The following GRIP1 variants were observed in gnomAD, a reference collection of about 807,000 sequenced individuals.
The protein encoded by GRIP1 is glutamate receptor interacting protein 1, also known as glutamate receptor-interacting protein 1.
GRIP1 carries 45 observed loss-of-function variants against 129.9 expected under a neutral mutation model. The ratio of observed to expected loss-of-function variants is 0.35; its 90% CI spans 0.27 to 0.44. The LOEUF (loss-of-function observed/expected upper bound fraction) is 0.44, where lower values mean the gene tolerates loss of function less well. Ranked by LOEUF, GRIP1 falls within the 20% of genes least tolerant of loss-of-function variation. The probability of loss-of-function intolerance (pLI) is 1.00; values close to 1 mark genes in which losing one functional copy is unlikely to be tolerated. For missense variants in GRIP1, 1,196 were observed against 1,396.8 expected (o/e 0.86, Z 2.29); for synonymous variants, 530 against 520.8 (o/e 1.02, Z -0.24).
intron 1 of GRIP1, among the ~76,000 whole-genome samples, chr12:67,019,714 A>G (rs2042837999): frequency 6.6e-6 from 1 of 152,120 alleles, no homozygotes; most frequent in South Asian, 2.1e-4. Flanking sequence ...AGTCTTAGGT[A>G]AACATGTTAA....
intron 1 of GRIP1, among the ~76,000 whole-genome samples, chr12:66,841,120 C>T (rs955660113): frequency 2.0e-5 from 3 of 152,108 alleles, no homozygotes; most frequent in Admixed American, 6.5e-5. Context: ...AAATCTGGTA[C>T]AGCTGAGGTC....
intron 15 of GRIP1, among the ~76,000 whole-genome samples, chr12:66,413,062 TAAAC>T (rs961369393): frequency 3.3e-5 from 5 of 151,740 alleles, no homozygotes; most frequent in African/African-American, 9.7e-5. Flanking sequence ...AGACAGAAAA[TAAAC>T]AAAGATATTC....
chr12:66,816,441 T>C (rs2039220349), intron 1 of GRIP1, among the ~76,000 whole-genome samples: 1 of 152,178 alleles, frequency 6.6e-6, no homozygotes, highest in Non-Finnish European at 1.5e-5. Flanking sequence ...CTAAAGGCTC[T>C]ATCAAAATTT....
At chr12:66,773,127 C>T (rs892877509) in intron 1 of GRIP1, among the ~76,000 whole-genome samples, 1 of 152,088 alleles carries the variant, frequency 6.6e-6, no homozygotes, top group Non-Finnish European at 1.5e-5. Flanking sequence ...ATGACATTTT[C>T]GTAGTTACTG....
intron 1 of GRIP1, among the ~76,000 whole-genome samples, chr12:67,052,585 C>T (rs955744436): frequency 1.6e-4 from 24 of 152,082 alleles, no homozygotes; most frequent in African/African-American, 5.5e-4. Flanking sequence ...CAGTGAAACC[C>T]CGTTTCTACT....
intron 24 of GRIP1, among the ~76,000 whole-genome samples, chr12:66,352,575 A>T (rs1047226780): frequency 6.6e-6 from 1 of 152,108 alleles, no homozygotes; most frequent in East Asian, 1.9e-4. Flanking sequence ...TCTACTAAAA[A>T]TACAAAAATT....
rs565174160 is a variant in GRIP1 at position 66,939,297 on chromosome 12, C to T, written c.58+129753G>A. ...AGGAGTTCAGGGCTGCAGTGAGCTACGATCACATCACAGCACACTAACCTG... is the reference window on the plus strand; with the variant it reads ...AGGAGTTCAGGGCTGCAGTGAGCTATGATCACATCACAGCACACTAACCTG... On this transcript the variant is annotated intron_variant, in intron 1 of 1. Coordinates refer to the GRIP1 transcript ENST00000643019. Among the ~76,000 whole-genome samples the T allele has an allele frequency of 1.5e-3, 222 of 152,072 alleles. 2 individuals are homozygous for T. The highest frequency in any genetic ancestry group is 4.9e-3 in the African/African-American group (203 of 41,486).
intron 1 of GRIP1, among the ~76,000 whole-genome samples, chr12:66,663,810 A>C (rs1468131517): frequency 6.6e-6 from 1 of 152,240 alleles, no homozygotes; most frequent in Non-Finnish European, 1.5e-5. Context: ...AATTCACTGC[A>C]ACGTTTTCCG....
intron 2 of GRIP1, among the ~76,000 whole-genome samples, chr12:66,554,461 C>T (rs571835518): frequency 6.6e-6 from 1 of 152,246 alleles, no homozygotes; most frequent in East Asian, 1.9e-4. Flanking sequence ...TGTGACCTAG[C>T]ATATTCCCAA....
chr12:66,485,722 T>A (rs2059934965), intron 7 of GRIP1, among the ~76,000 whole-genome samples: 1 of 152,102 alleles, frequency 6.6e-6, no homozygotes, highest in South Asian at 2.1e-4. Context: ...CCTCTGAAAT[T>A]GATTCCTATG....
intron 1 of GRIP1, among the ~76,000 whole-genome samples, chr12:67,059,077 C>T (rs2043486840): frequency 6.6e-6 from 1 of 152,202 alleles, no homozygotes; most frequent in South Asian, 2.1e-4. Context: ...TGGCACATGC[C>T]ACATTCAACA....
At chr12:66,640,913 T>C (rs898952703) in intron 1 of GRIP1, among the ~76,000 whole-genome samples, 2 of 152,152 alleles carry the variant, frequency 1.3e-5, no homozygotes, top group Admixed American at 6.6e-5. Flanking sequence ...GAAAATTCCT[T>C]ATACAACAAG....
intron 1 of GRIP1, among the ~76,000 whole-genome samples, chr12:66,775,669 A>C (rs1333380333): frequency 6.6e-6 from 1 of 151,696 alleles, no homozygotes; most frequent in Non-Finnish European, 1.5e-5. Flanking sequence ...TGAAGATAAA[A>C]ATTTTAAATA....
At chr12:66,715,469 T>A (rs866773345) in intron 1 of GRIP1, among the ~76,000 whole-genome samples, 2 of 117,438 alleles carry the variant, frequency 1.7e-5, no homozygotes, top group African/African-American at 3.1e-5. Context: ...TGTGTGTGTG[T>A]GTGAGAGAGA....
intron 2 of GRIP1, chr12:66,568,360 A>G (rs1007241816): frequency 5.8e-6 from 1 of 172,858 alleles, no homozygotes; most frequent in East Asian, 1.7e-4. Context: ...ATATGCTTCT[A>G]AAAGAGATCC....
chr12:66,483,325 G>A (rs2059859801), intron 7 of GRIP1, among the ~76,000 whole-genome samples: 1 of 151,960 alleles, frequency 6.6e-6, no homozygotes, highest in African/African-American at 2.4e-5. Context: ...TTTTTAAATT[G>A]CTGATTTATT....
At chr12:66,738,945 T>C (rs1349607744) in intron 1 of GRIP1, among the ~76,000 whole-genome samples, 2 of 152,226 alleles carry the variant, frequency 1.3e-5, no homozygotes, top group East Asian at 1.9e-4. Flanking sequence ...AGGGTTCTTC[T>C]GTCCTTCACT....
At chr12:66,444,766 G>A (rs2058574129) in intron 12 of GRIP1, 37 bp from the exon 13 acceptor site, 2 of 1,607,778 alleles carry the variant, frequency 1.2e-6, no homozygotes, top group Non-Finnish European at 1.7e-6. Flanking sequence ...TGTAGATGGA[G>A]TAAATAATTA....
chr12:66,869,624 G>T (rs552159157), intron 1 of GRIP1, among the ~76,000 whole-genome samples: 1 of 152,210 alleles, frequency 6.6e-6, no homozygotes, highest in African/African-American at 2.4e-5. Context: ...ATGGCAAAGA[G>T]TTGAGTGAAA....
Sources: allele counts gnomAD v4.1 joint callset (sites outside exome capture counted in the v4.1 genomes callset), GRCh38; gene constraint gnomAD v4.1.1; transcripts MANE v1.5; gene names NCBI Gene and HGNC (gene_info 2026-07-23, HGNC 2026-07-21).